Variants in GRHPR observed in about 807,000 individuals in gnomAD.
The protein encoded by GRHPR is glyoxylate reductase/hydroxypyruvate reductase.
GRHPR carries 35 observed loss-of-function variants against 36.8 expected under a neutral mutation model. That is an observed-to-expected ratio of 0.95 (90% CI 0.73 to 1.26). The LOEUF is 1.26. GRHPR is among the 50% of genes most tolerant of loss of function. The pLI, the probability that GRHPR is intolerant of heterozygous loss-of-function variation, is 0.00. For missense variants in GRHPR, 380 were observed against 435.0 expected (o/e 0.87, Z 1.12); for synonymous variants, 179 against 181.0 (o/e 0.99, Z 0.09).
In GRHPR at chr9:37,432,077, G is replaced by A. The variant is rs1247232008; in HGVS notation, c.804G>A (p.Leu268=). 1 of 1,613,906 alleles carries A rather than the reference G, an allele frequency of 6.2e-7. No individual in the cohort carries two copies. Among genetic ancestry groups the A allele is most frequent in the South Asian group, 1.1e-5 (1 of 91,084 alleles). ...GTGGTAAGATTGCAGCTGCTGGACT[G>A]GATGTGACGAGCCCAGAACCACTGC... ...LASGKIAAAG[L]DVTSPEPLPT... Residue 268 remains leucine (L), a synonymous_variant, in exon 8 of 9, where the codon CTG becomes CTA. Coordinates refer to ENST00000318158, the MANE Select transcript of GRHPR (RefSeq NM_012203.2).
intron 8 of GRHPR, among the ~76,000 whole-genome samples, chr9:37,433,251 T>G (rs1018558710): frequency 9.2e-6 from 1 of 108,940 alleles, no homozygotes; most frequent in Non-Finnish European, 2.1e-5. Context: ...TTTTTTTTTT[T>G]GAGACAGAGT....
intron 7 of GRHPR, 115 bp from the exon 8 acceptor site, chr9:37,431,893 C>G (rs1236952364): frequency 9.1e-7 from 1 of 1,099,082 alleles, no homozygotes; most frequent in East Asian, 2.4e-5. Context: ...AGACTTACTG[C>G]TTTAAAAGTC....
chr9:37,423,584 AC>A, intron 1 of GRHPR, among the ~76,000 whole-genome samples: 1 of 151,724 alleles, frequency 6.6e-6, no homozygotes, highest in East Asian at 1.9e-4. Flanking sequence ...AGATACTTCC[AC>A]CTCAGCCTCC....
chr9:37,428,514 G>A lies in GRHPR; in HGVS notation c.435G>A (p.Trp145Ter), dbSNP rs1053220809. The change falls in exon 5 of 9, where the codon TGG becomes TGA. Residue 145 changes from tryptophan (W) to a stop codon, truncating the protein, a stop_gained. Transcript: ENST00000318158. LOFTEE classifies it high-confidence loss of function. ...NGGWTSWKPLWLCGYGLTQST... is the reference protein window; with the variant it reads ...NGGWTSWKPL ...GCTGGACCTCGTGGAAGCCCCTCTG[G>A]CTGTGTGGCTATGGACTCACGCAGA... 6.2e-7 allele frequency: 1 copy of A among 1,612,196 alleles called. No individual in the cohort carries two copies. The highest frequency in any genetic ancestry group is 8.5e-7 in the Non-Finnish European group (1 of 1,179,134).
intron 5 of GRHPR, 86 bp from the exon 6 acceptor site, chr9:37,429,646 C>T: frequency 2.2e-6 from 2 of 896,818 alleles, no homozygotes; most frequent in Non-Finnish European, 3.8e-6. Context: ...AAGGGTCTGC[C>T]CTGAGGGCCG....
In GRHPR at chr9:37,424,843, A is replaced by G. The variant is rs180177319; in HGVS notation, c.84-2A>G. ...CTCCTGAGGGCCTCCCTTTCCCCGC[A>G]GCTGTGAGGTGGAGCAGTGGGACTC... On this transcript the variant is annotated splice_acceptor_variant, in intron 1 of 8. Coordinates refer to ENST00000318158, the MANE Select transcript of GRHPR (RefSeq NM_012203.2). LOFTEE classifies it high-confidence loss of function. 4.3e-6 allele frequency: 7 copies of G among 1,613,136 alleles called. No individual in the cohort carries two copies. Among genetic ancestry groups the G allele is most frequent in the Non-Finnish European group, 5.9e-6 (7 of 1,179,864 alleles).
intron 4 of GRHPR, chr9:37,427,963 GCA>G (rs1192527242): frequency 1.2e-5 from 2 of 172,568 alleles, no homozygotes; most frequent in Admixed American, 5.5e-5. Flanking sequence ...GTGGGCCCCG[GCA>G]CGGGGCATGG....
intron 7 of GRHPR, chr9:37,431,095 T>C (rs1334638862): frequency 2.2e-6 from 1 of 464,878 alleles, no homozygotes; most frequent in Non-Finnish European, 4.5e-6. Context: ...ACTCACGTGG[T>C]CGTAGCTCCT....
chr9:37,438,496 T>C (rs1823771737), downstream of GRHPR: 1 of 152,350 alleles, frequency 6.6e-6, no homozygotes. Context: ...GGCTCCAGCA[T>C]GTATCAGAGA....
intron 7 of GRHPR, 32 bp downstream of exon 7, chr9:37,430,678 G>A: frequency 6.2e-7 from 1 of 1,605,232 alleles, no homozygotes; most frequent in Non-Finnish European, 8.5e-7. Flanking sequence ...CAGCAAGCCT[G>A]GAGAGGAGCC....
chr9:37,439,044 T>C (rs1203423118), downstream of GRHPR: 1 of 152,230 alleles, frequency 6.6e-6, no homozygotes, highest in Non-Finnish European at 1.5e-5. Flanking sequence ...TTATCTGATT[T>C]ATGAATGATG....
Position 37,426,616 on chromosome 9 carries a change from C to T in GRHPR, c.366C>T (p.Thr122=), listed in dbSNP as rs1158228295. 1.2e-6 allele frequency: 2 copies of T among 1,613,660 alleles called. No homozygotes were observed. Among genetic ancestry groups the T allele is most frequent in the East Asian group, 2.2e-5 (1 of 44,880 alleles). Residue 122 remains threonine, a synonymous_variant, in exon 4 of 9, where the codon ACC becomes ACT. Transcript: ENST00000318158. ...AELAVSLLLT[T]CRRLPEAIEE... ...TCGCAGTCTCCCTGCTACTTACCAC[C>T]TGCCGCCGGTTGCCGGAGGCCATCG...
At chr9:37,428,130 A>C in intron 4 of GRHPR, 1 of 391,010 alleles carries the variant, frequency 2.6e-6, no homozygotes, top group Non-Finnish European at 4.8e-6. Flanking sequence ...GTGCCAAGAG[A>C]ACTTGTTTTG....
intron 8 of GRHPR, among the ~76,000 whole-genome samples, chr9:37,432,991 G>A (rs1214094430): frequency 6.6e-6 from 1 of 152,210 alleles, no homozygotes; most frequent in Non-Finnish European, 1.5e-5. Context: ...CTCCCTTCCT[G>A]TCTTTGGGGG....
chr9:37,427,988 A>C (rs939445549), intron 4 of GRHPR: 12 of 217,574 alleles, frequency 5.5e-5, no homozygotes, highest in Non-Finnish European at 1.0e-4. Flanking sequence ...CAGAGTAGAC[A>C]GTGCTGAGTC....
In GRHPR at chr9:37,435,740, G is replaced by T. The variant is rs561414887; in HGVS notation, c.866-921G>T. 4.6e-5 allele frequency among the ~76,000 whole-genome samples: 7 copies of T among 152,228 alleles called. No individual in the cohort carries two copies. The East Asian group carries it at 1.4e-3, about 29-fold the overall frequency. Reference sequence around the variant, plus strand: ...TATTACAATAATGATAAAATTTAAAGAAGAAAATGTACTCAATTAAAAGGA... The same window carrying T: ...TATTACAATAATGATAAAATTTAAATAAGAAAATGTACTCAATTAAAAGGA... On this transcript the variant is annotated intron_variant, in intron 8 of 8. Coordinates refer to ENST00000318158, the MANE Select transcript of GRHPR (RefSeq NM_012203.2).
In GRHPR at chr9:37,429,825, A is replaced by C; in HGVS notation, c.587A>C (p.Gln196Pro). The change falls in exon 6 of 9, where the codon CAG becomes CCG. Residue 196 changes from glutamine (Q) to proline (P), a missense_variant. Transcript: ENST00000318158. The part of the protein sequence containing the change: ...QPRPEEAAEF[Q>P]AEFVSTPELA... Reference sequence around the variant, plus strand: ...AGGCCTGAGGAAGCAGCAGAATTCCAGGCAGAGTTTGGTAAGTGAAGCCTT... The same window carrying C: ...AGGCCTGAGGAAGCAGCAGAATTCCCGGCAGAGTTTGGTAAGTGAAGCCTT... The C allele has an allele frequency of 1.9e-6, 3 of 1,588,938 alleles. No homozygotes were observed. The highest frequency in any genetic ancestry group is 1.7e-6 in the Non-Finnish European group (2 of 1,156,950).
intron 3 of GRHPR, 96 bp from the exon 4 acceptor site, chr9:37,426,442 A>C (rs1377067612): frequency 1.1e-6 from 1 of 878,374 alleles, no homozygotes; most frequent in Non-Finnish European, 2.0e-6. Flanking sequence ...CAGGCAGATC[A>C]AAGAGGGAGC....
chr9:37,426,599 TCCCTGCTACTTACCACCTGCCGC>T lies in GRHPR; in HGVS notation c.351_373del (p.Leu118ValfsTer65), dbSNP rs779996558. Reference sequence around the variant, plus strand: ...AGATACCACCGCCGAACTCGCAGTCTCCCTGCTACTTACCACCTGCCGCCGGTTGCCGGAGGCCATCGAGGAAG... The same window carrying T: ...AGATACCACCGCCGAACTCGCAGTCTCGGTTGCCGGAGGCCATCGAGGAAG... On this transcript the variant is annotated frameshift_variant, in exon 4 of 9. Transcript: ENST00000318158. LOFTEE classifies it high-confidence loss of function. 1 of 1,613,962 alleles carries T rather than the reference TCCCTGCTACTTACCACCTGCCGC, an allele frequency of 6.2e-7. No individual in the cohort carries two copies. The highest frequency in any genetic ancestry group is 1.1e-5 in the South Asian group (1 of 91,086).
Sources: allele counts gnomAD v4.1 joint callset (sites outside exome capture counted in the v4.1 genomes callset), GRCh38; gene constraint gnomAD v4.1.1; transcripts MANE v1.5; gene names NCBI Gene and HGNC (gene_info 2026-07-23, HGNC 2026-07-21).